The following TPO variants were observed in gnomAD, a reference collection of about 807,000 sequenced individuals.
The protein encoded by TPO is thyroid microsomal antigen.
TPO carries 78 observed loss-of-function variants against 96.9 expected under a neutral mutation model. That is an observed-to-expected ratio of 0.81 (90% CI 0.67 to 0.97). The LOEUF is 0.97. TPO is among the 50% of genes least tolerant of loss of function. The probability of loss-of-function intolerance (pLI) is 0.00; values close to 1 mark genes in which losing one functional copy is unlikely to be tolerated. For synonymous variants in TPO, 547 were observed against 538.0 expected, an observed-to-expected ratio of 1.02 and a Z score of -0.23; for missense variants, 1,252 against 1,274.8, an observed-to-expected ratio of 0.98 and a Z score of 0.27.
intron 13 of TPO, 136 bp from the exon 14 acceptor site, chr2:1,503,812 T>TC: frequency 2.0e-6 from 3 of 1,533,772 alleles, no homozygotes; most frequent in Non-Finnish European, 2.7e-6. Flanking sequence ...GGCGGCCGGT[T>TC]CCCCCTAGAC....
At chr2:1,461,097 G>A (rs1474976808) in intron 7 of TPO, among the ~76,000 whole-genome samples, 4 of 152,170 alleles carry the variant, frequency 2.6e-5, no homozygotes, top group African/African-American at 9.7e-5. Context: ...GTAGCCCTGA[G>A]GCCAGACAAG....
At chr2:1,378,567 C>T (rs561982664) in intron 1 of TPO, among the ~76,000 whole-genome samples, 48 of 152,334 alleles carry the variant, frequency 3.2e-4, no homozygotes, top group African/African-American at 1.1e-3. Flanking sequence ...TCTGAGAAAG[C>T]GTCAAATGTG....
intron 10 of TPO, among the ~76,000 whole-genome samples, chr2:1,491,770 G>T (rs1021510999): frequency 3.3e-5 from 5 of 152,216 alleles, no homozygotes; most frequent in African/African-American, 9.6e-5. Flanking sequence ...GGGTGATAAA[G>T]ATGAAATTTT....
At position 1,484,593 on chromosome 2, in the gene TPO, C is replaced by T. The variant is rs761859461; in HGVS notation, c.1339-3C>T. ...CACTGAGATGCTTTTCCTATCTGCACAGATCATCACCCTGAGGGATTACAT... is the reference window on the plus strand; with the variant it reads ...CACTGAGATGCTTTTCCTATCTGCATAGATCATCACCCTGAGGGATTACAT... On this transcript the variant is annotated splice_polypyrimidine_tract_variant and splice_region_variant and intron_variant, in intron 8 of 16. Coordinates refer to ENST00000329066, the MANE Select transcript of TPO (RefSeq NM_001206744.2). 6.2e-7 allele frequency: 1 copy of T among 1,614,110 alleles called. No individual in the cohort carries two copies. Among genetic ancestry groups the T allele is most frequent in the Admixed American group, 1.7e-5 (1 of 60,032 alleles).
chr2:1,499,983 C>G (rs1312057436), intron 13 of TPO, among the ~76,000 whole-genome samples: 2 of 152,214 alleles, frequency 1.3e-5, no homozygotes, highest in Admixed American at 1.3e-4. Flanking sequence ...TGCTCAGGAG[C>G]CGTGTTCTGA....
At chr2:1,376,066 A>G (rs1190352560) in intron 1 of TPO, among the ~76,000 whole-genome samples, 1 of 152,204 alleles carries the variant, frequency 6.6e-6, no homozygotes, top group Non-Finnish European at 1.5e-5. Flanking sequence ...GCATCGTGGT[A>G]ATTCCTGTAA....
At chr2:1,422,985 A>G (rs998482467) in intron 2 of TPO, 60 bp from the exon 3 acceptor site, 29 of 1,572,272 alleles carry the variant, frequency 1.8e-5, no homozygotes, top group African/African-American at 2.7e-5. Flanking sequence ...ACAAAGCAAC[A>G]CTGTCAGTGA....
At chr2:1,532,196 T>A (rs1361323160) in intron 15 of TPO, among the ~76,000 whole-genome samples, 11 of 30,028 alleles carry the variant, frequency 3.7e-4, no homozygotes, top group Admixed American at 9.6e-4. Context: ...CCTCCTCAAA[T>A]CCCCCACCAC....
intron 1 of TPO, among the ~76,000 whole-genome samples, chr2:1,395,917 C>A (rs1488675744): frequency 1.3e-5 from 2 of 152,232 alleles, no homozygotes; most frequent in Non-Finnish European, 2.9e-5. Context: ...CCTCCCCAGC[C>A]ATGTGGAACT....
intron 13 of TPO, among the ~76,000 whole-genome samples, chr2:1,499,973 T>G (rs1373491276): frequency 6.6e-6 from 1 of 152,220 alleles, no homozygotes; most frequent in Admixed American, 6.5e-5. Context: ...ACACTGTGAG[T>G]GCTCAGGAGC....
At chr2:1,392,654 T>A (rs954441442) in intron 1 of TPO, among the ~76,000 whole-genome samples, 3 of 152,186 alleles carry the variant, frequency 2.0e-5, no homozygotes, top group Non-Finnish European at 4.4e-5. Flanking sequence ...GGTAGGCTAT[T>A]ATTACCTCAA....
intron 1 of TPO, among the ~76,000 whole-genome samples, chr2:1,408,235 G>A (rs1335518073): frequency 1.3e-5 from 2 of 152,250 alleles, no homozygotes; most frequent in African/African-American, 4.8e-5. Flanking sequence ...CTGAGGCTAT[G>A]TGGATGCATG....
At chr2:1,382,071 C>A (rs995636448) in intron 1 of TPO, among the ~76,000 whole-genome samples, 3 of 152,100 alleles carry the variant, frequency 2.0e-5, no homozygotes, top group African/African-American at 7.2e-5. Flanking sequence ...TATCTTTTGA[C>A]CGAAAGAAGC....
At chr2:1,406,419 A>T (rs1051753288) in intron 1 of TPO, among the ~76,000 whole-genome samples, 1 of 152,230 alleles carries the variant, frequency 6.6e-6, no homozygotes, top group Admixed American at 6.5e-5. Flanking sequence ...CAAAGAACTT[A>T]GCTTAGCCAT....
At position 1,496,457 on chromosome 2, in the gene TPO, C is replaced by T. The variant is rs1349918980; in HGVS notation, c.2216-138C>T. ...AGGCCGTGTGTGCTGCGTGGGTGCT[C>T]AGTGAGTGACCACAGCAGGGCTCCC... On this transcript the variant is annotated intron_variant, in intron 12 of 16. Transcript: ENST00000329066. 11 of 1,266,530 alleles carry T rather than the reference C, an allele frequency of 8.7e-6. No individual in the cohort carries two copies. The African/African-American group carries it at 1.5e-4, about 17-fold the overall frequency. The allele number at this position is 1,266,530 out of a possible 1,614,324, so 78.5% of individuals were successfully genotyped here.
At chr2:1,453,061 A>G (rs1214968545) in intron 5 of TPO, among the ~76,000 whole-genome samples, 1 of 152,246 alleles carries the variant, frequency 6.6e-6, no homozygotes, top group Admixed American at 6.5e-5. Context: ...TCATCGCCAA[A>G]TCAAACAGCC....
intron 1 of TPO, among the ~76,000 whole-genome samples, chr2:1,405,148 A>C (rs1172589318): frequency 6.9e-6 from 1 of 145,412 alleles, no homozygotes; most frequent in Non-Finnish European, 1.5e-5. Context: ...TCATCCACCC[A>C]CCCATTTATC....
chr2:1,424,841 T>C (rs1345381783), intron 3 of TPO, among the ~76,000 whole-genome samples: 1 of 150,074 alleles, frequency 6.7e-6, no homozygotes, highest in Admixed American at 6.6e-5. Context: ...GATACAGAGA[T>C]GCGTTAGATC....
rs148904996 is a variant in TPO, at chr2:1,505,330, C to T, written c.2518+1251C>T. On this transcript the variant is annotated intron_variant, in intron 14 of 16. Coordinates refer to ENST00000329066, the MANE Select transcript of TPO (RefSeq NM_001206744.2). ...ACATCCCACTCTCCTGAGTCAGGCACACCCCACCAGCTTGTGTCAGGCACA... is the reference window on the plus strand; with the variant it reads ...ACATCCCACTCTCCTGAGTCAGGCATACCCCACCAGCTTGTGTCAGGCACA... Among the ~76,000 whole-genome samples, 396 of 150,258 alleles carry T rather than the reference C, an allele frequency of 2.6e-3. 4 individuals carry two copies. The East Asian group carries it at 0.043, about 16-fold the overall frequency.
Sources: allele counts gnomAD v4.1 joint callset (sites outside exome capture counted in the v4.1 genomes callset), GRCh38; gene constraint gnomAD v4.1.1; transcripts MANE v1.5; gene names NCBI Gene and HGNC (gene_info 2026-07-23, HGNC 2026-07-21).